MROH1: variants seen among roughly 807,000 people sequenced by gnomAD.
The protein encoded by MROH1 is maestro heat like repeat family member 1.
Under a neutral mutation model 116.5 loss-of-function variants are expected in MROH1, and 117 were observed. That is an observed-to-expected ratio of 1.00 (90% CI 0.86 to 1.17). The LOEUF is 1.17. Ranked by LOEUF, MROH1 falls within the 50% of genes most tolerant of loss-of-function variation. The pLI, the probability that MROH1 is intolerant of heterozygous loss-of-function variation, is 0.00. For missense variants in MROH1, 1,873 were observed against 1,338.5 expected, an observed-to-expected ratio of 1.40 and a Z score of -6.23; for synonymous variants, 921 against 583.9, an observed-to-expected ratio of 1.58 and a Z score of -8.32.
rs1398418406 is a variant in MROH1, at chr8:144,259,270, C to T, written c.3960C>T (p.Leu1320=). 5.6e-6 allele frequency: 4 copies of T among 714,738 alleles called. No homozygotes were observed. The highest frequency in any genetic ancestry group is 1.0e-5 in the Non-Finnish European group (4 of 384,884). 44.3% of individuals were successfully genotyped at this position (714,738 alleles called of 1,614,324 possible). The change falls in exon 37 of 44, where the codon CTC becomes CTT. Residue 1320 remains leucine, a synonymous_variant. Coordinates refer to ENST00000326134, the MANE Select transcript of MROH1 (RefSeq NM_032450.3). ...RAMAEHAGPR[L]PLVLKTLACT... is the part of the protein sequence containing the mutation. ...TGGCTGAGCACGCAGGGCCCCGACT[C>T]CCCCTGGTGCTGAAGACGCTGGCAT...
Position 144,200,516 on chromosome 8 carries a change from G to T in MROH1, c.1116G>T (p.Val372=). 1 of 1,551,128 alleles carries T rather than the reference G, an allele frequency of 6.4e-7. No homozygotes were observed. Among genetic ancestry groups the T allele is most frequent in the Non-Finnish European group, 8.7e-7 (1 of 1,147,254 alleles). Residue 372 remains valine, a synonymous_variant, in exon 12 of 44, where the codon GTG becomes GTT. Coordinates refer to ENST00000326134, the MANE Select transcript of MROH1 (RefSeq NM_032450.3). ...NERTRVGTLQ[V]VRHVINSAAA... is the part of the protein sequence containing the mutation. ...GGACCCGCGTGGGCACCCTGCAGGT[G>T]GTCAGACATGTCATCAACTCAGCTG...
intron 7 of MROH1, among the ~76,000 whole-genome samples, chr8:144,185,849 C>CG (rs1486901163): frequency 5.8e-4 from 27 of 46,564 alleles, no homozygotes; most frequent in South Asian, 5.1e-3. Context: ...GTGGGAACCA[C>CG]GGGGGGGCGG....
intron 13 of MROH1, 57 bp from the exon 14 acceptor site, chr8:144,223,051 G>A (rs1837123843): frequency 2.1e-5 from 33 of 1,606,082 alleles, no homozygotes; most frequent in Non-Finnish European, 2.6e-5. Flanking sequence ...CTGCTGGCTG[G>A]ACTGGCATGG....
Position 144,259,273 on chromosome 8 carries a change from C to G in MROH1, c.3963C>G (p.Pro1321=), listed in dbSNP as rs1844512537. The part of the protein sequence containing the change: ...AMAEHAGPRL[P]LVLKTLACTH... The stretch of plus-strand genomic sequence containing the variant: ...CTGAGCACGCAGGGCCCCGACTCCC[C>G]CTGGTGCTGAAGACGCTGGCATGCA... Residue 1321 remains proline, a synonymous_variant, in exon 37 of 44, where the codon CCC becomes CCG. Transcript: ENST00000326134. 3 of 714,782 alleles carry G rather than the reference C, an allele frequency of 4.2e-6. No homozygotes were observed. The highest frequency in any genetic ancestry group is 3.5e-5 in the African/African-American group (2 of 57,174). 44.3% of individuals were successfully genotyped at this position (714,782 alleles called of 1,614,324 possible).
At chr8:144,191,044 C>G in intron 8 of MROH1, 109 bp downstream of exon 8, 2 of 1,201,072 alleles carry the variant, frequency 1.7e-6, no homozygotes, top group East Asian at 2.6e-5. Flanking sequence ...CATTGGCAAG[C>G]AGAGGTGCCC....
chr8:144,215,922 C>T (rs1481276539), intron 12 of MROH1, among the ~76,000 whole-genome samples: 1 of 150,964 alleles, frequency 6.6e-6, no homozygotes, highest in African/African-American at 2.4e-5. Flanking sequence ...TGCGGTGGCT[C>T]ACGCCTGTAA....
chr8:144,201,392 G>A (rs1831115118), intron 12 of MROH1, among the ~76,000 whole-genome samples: 1 of 152,192 alleles, frequency 6.6e-6, no homozygotes, highest in African/African-American at 2.4e-5. Flanking sequence ...TGATAAGCCT[G>A]AAAACATACC....
chr8:144,213,942 T>C (rs1834729265), intron 12 of MROH1: 1 of 151,806 alleles, frequency 6.6e-6, no homozygotes, highest in African/African-American at 2.4e-5. Context: ...TTTTTTTTTG[T>C]TTCTTTGTTT....
chr8:144,179,863 C>A (rs1398765100), intron 5 of MROH1, among the ~76,000 whole-genome samples: 1 of 152,196 alleles, frequency 6.6e-6, no homozygotes, highest in Non-Finnish European at 1.5e-5. Flanking sequence ...CTGTGCCCGG[C>A]ATTGGGGTTG....
chr8:144,260,717 G>A lies in MROH1; in HGVS notation c.4421G>A (p.Gly1474Glu), dbSNP rs1844879710. Residue 1474 changes from glycine to glutamate, a missense_variant, in exon 40 of 44, where the codon GGG becomes GAG. Transcript: ENST00000326134. ...EFRTASIRLF[G>E]HLNKVCHGDC... ...CGGACGGCATCTATCCGCCTCTTTG[G>A]GCACCTTAACAAGGTCTGCCACGGA... is the stretch of plus-strand genomic sequence containing the variant. The A allele has an allele frequency of 6.4e-6, 5 of 779,584 alleles. No homozygotes were observed. The South Asian group carries it at 6.7e-5, about 10-fold the overall frequency. The allele number at this position is 779,584 out of a possible 1,614,324, so 48.3% of individuals were successfully genotyped here.
Position 144,255,525 on chromosome 8 carries a change from T to C in MROH1, c.3611T>C (p.Phe1204Ser), listed in dbSNP as rs1554832445. ...LLPLSATCAL[F>S]EVMSTPAAGP... Reference sequence around the variant, plus strand: ...CTCCCCCAGGCTACCTGTGCACTGTTTGAGGTCATGTCCACGCCTGCAGCG... The same window carrying C: ...CTCCCCCAGGCTACCTGTGCACTGTCTGAGGTCATGTCCACGCCTGCAGCG... Residue 1204 changes from phenylalanine to serine, a missense_variant, in exon 35 of 44, where the codon TTT (phenylalanine) becomes TCT (serine). By Grantham distance (155) the Phe-to-Ser change is radical (BLOSUM62 -2). Coordinates refer to ENST00000326134, the MANE Select transcript of MROH1 (RefSeq NM_032450.3). The C allele has an allele frequency of 6.4e-6, 5 of 779,062 alleles. No homozygotes were observed. In the Admixed American group the frequency reaches 6.8e-5, roughly 11 times the overall value. The allele number at this position is 779,062 out of a possible 1,614,324, so 48.3% of individuals were successfully genotyped here.
intron 11 of MROH1, 24 bp from the exon 12 acceptor site, chr8:144,200,404 T>C: frequency 6.6e-7 from 1 of 1,525,812 alleles, no homozygotes; most frequent in African/African-American, 1.4e-5. Flanking sequence ...ACATGGAGCC[T>C]AATCTGTACC....
At chr8:144,214,265 A>AC (rs1834799317) in intron 12 of MROH1, 1 of 152,024 alleles carries the variant, frequency 6.6e-6, no homozygotes, top group African/African-American at 2.4e-5. Flanking sequence ...CTTGGTGTTG[A>AC]CCCCCTTCTT....
chr8:144,220,883 T>G (rs905672286), intron 13 of MROH1, among the ~76,000 whole-genome samples: 21 of 152,172 alleles, frequency 1.4e-4, no homozygotes, highest in African/African-American at 5.1e-4. Flanking sequence ...AAGGCCACCC[T>G]ACACTGGCAC....
chr8:144,255,070 A>T, intron 34 of MROH1, 92 bp downstream of exon 34: 1 of 647,588 alleles, frequency 1.5e-6, no homozygotes, highest in Non-Finnish European at 2.8e-6. Context: ...GGTGGCCCGG[A>T]CGCCACCCCA....
intron 4 of MROH1, among the ~76,000 whole-genome samples, chr8:144,178,726 T>C (rs1323512184): frequency 6.6e-6 from 1 of 152,096 alleles, no homozygotes; most frequent in African/African-American, 2.4e-5. Flanking sequence ...GGAGGGGCTG[T>C]CAACACAGGG....
intron 29 of MROH1, among the ~76,000 whole-genome samples, chr8:144,245,488 C>G (rs958517488): frequency 1.3e-5 from 2 of 152,248 alleles, no homozygotes; most frequent in African/African-American, 4.8e-5. Context: ...GAACATGCAC[C>G]TCTGGTCTCC....
intron 1 of MROH1, among the ~76,000 whole-genome samples, chr8:144,159,765 ATTTTT>A (rs1161961224): frequency 2.4e-5 from 3 of 123,756 alleles, no homozygotes; most frequent in African/African-American, 9.4e-5. Flanking sequence ...ACGCCTGGTA[ATTTTT>A]TTTTTTTTTT....
chr8:144,260,125 C>G (rs1488870441), intron 38 of MROH1, 61 bp from the exon 39 acceptor site: 3 of 753,598 alleles, frequency 4.0e-6, no homozygotes, highest in Admixed American at 3.5e-5. Context: ...GGAGGCCACC[C>G]TGTCTTGTGG....
Sources: allele counts gnomAD v4.1 joint callset (sites outside exome capture counted in the v4.1 genomes callset), GRCh38; gene constraint gnomAD v4.1.1; transcripts MANE v1.5; gene names NCBI Gene and HGNC (gene_info 2026-07-23, HGNC 2026-07-21).